Variants in VAPA observed in about 807,000 individuals in gnomAD.
The protein encoded by VAPA is vesicle-associated membrane protein-associated protein A.
VAPA carries 6 observed loss-of-function variants against 25.6 expected under a neutral mutation model. That is an observed-to-expected ratio of 0.23 (90% CI 0.13 to 0.46). The LOEUF (loss-of-function observed/expected upper bound fraction) is 0.46. VAPA is among the 20% of genes least tolerant of loss of function. VAPA has a pLI of 0.99. For missense variants in VAPA, 244 were observed against 302.1 expected, an observed-to-expected ratio of 0.81 and a Z score of 1.43; for synonymous variants, 112 against 106.2, an observed-to-expected ratio of 1.05 and a Z score of -0.34.
chr18:9,933,422 C>CT (rs1302423579), intron 2 of VAPA, among the ~76,000 whole-genome samples: 1 of 152,142 alleles, frequency 6.6e-6, no homozygotes, highest in African/African-American at 2.4e-5. Flanking sequence ...TTTGCTAAGT[C>CT]TAATTCATCA....
chr18:9,944,699 A>G lies in VAPA; in HGVS notation c.418-5696A>G, dbSNP rs550576025. On this transcript the variant is annotated intron_variant, in intron 4 of 5. Transcript: ENST00000400000. ...TACATTTAATAGGTGCATGTAATGC[A>G]AGTAGATTATAACTAATTTTGTTTG... 8.5e-5 allele frequency among the ~76,000 whole-genome samples: 13 copies of G among 152,394 alleles called. No individual in the cohort carries two copies. In the East Asian group the frequency reaches 2.5e-3, roughly 29 times the overall value.
intron 1 of VAPA, among the ~76,000 whole-genome samples, chr18:9,927,192 A>T (rs1222359621): frequency 6.6e-6 from 1 of 152,132 alleles, no homozygotes; most frequent in Non-Finnish European, 1.5e-5. Flanking sequence ...AATTAAGTGG[A>T]TGTCTGGACA....
At chr18:9,951,883 A>G (rs1599119713) in intron 5 of VAPA, among the ~76,000 whole-genome samples, 1 of 151,768 alleles carries the variant, frequency 6.6e-6, no homozygotes, top group Non-Finnish European at 1.5e-5. Flanking sequence ...GTTTCATAGT[A>G]CCCCCTCGAG....
At chr18:9,936,694 C>T in intron 3 of VAPA, 1 of 290,472 alleles carries the variant, frequency 3.4e-6, no homozygotes, top group Non-Finnish European at 6.3e-6. Context: ...TGCACTCCAG[C>T]CTGGGAAACA....
chr18:9,916,774 CT>C (rs2069115192), intron 1 of VAPA, among the ~76,000 whole-genome samples: 1 of 152,190 alleles, frequency 6.6e-6, no homozygotes, highest in South Asian at 2.1e-4. Flanking sequence ...TCATTCAAAA[CT>C]TTCTAAGTGA....
chr18:9,956,071 T>G lies in VAPA; in HGVS notation c.*1860T>G, dbSNP rs2069547118. 1 of 152,174 alleles carries G rather than the reference T, an allele frequency of 6.6e-6. No individual in the cohort carries two copies. The allele number at this position is 152,174 out of a possible 1,614,324, so 9.4% of individuals were successfully genotyped here. A position where few individuals can be genotyped will look rare whatever the true frequency, so the allele number is the denominator to read the frequency against. ...CTATCTTTTTTTAAAGAAATTAAGTTCTTGAAAATTTAGCCAAATCCCGTT... is the reference window on the plus strand; with the variant it reads ...CTATCTTTTTTTAAAGAAATTAAGTGCTTGAAAATTTAGCCAAATCCCGTT... On this transcript the variant is annotated 3_prime_UTR_variant, in exon 6 of 6. Transcript: ENST00000400000.
At chr18:9,916,058 A>G (rs944705131) in intron 1 of VAPA, among the ~76,000 whole-genome samples, 4 of 152,128 alleles carry the variant, frequency 2.6e-5, no homozygotes, top group Admixed American at 1.3e-4. Context: ...CTGGATAACT[A>G]TGTGTAAATT....
At chr18:9,944,931 C>T in intron 4 of VAPA, 1 of 1,614,102 alleles carries the variant, frequency 6.2e-7, no homozygotes, top group East Asian at 2.2e-5. Flanking sequence ...CAGGGTATAA[C>T]TCCACCAGGG....
chr18:9,946,949 T>TA (rs948064557), intron 4 of VAPA, among the ~76,000 whole-genome samples: 40 of 152,324 alleles, frequency 2.6e-4, no homozygotes, highest in African/African-American at 9.1e-4. Context: ...ATAAGATTTT[T>TA]AAAAAAACTT....
At position 9,954,304 on chromosome 18, in the gene VAPA, C is replaced by T. The variant is rs1188695968; in HGVS notation, c.*93C>T. The T allele has an allele frequency of 1.1e-5, 13 of 1,155,102 alleles. No individual in the cohort carries two copies. Among genetic ancestry groups the T allele is most frequent in the Admixed American group, 4.6e-5 (2 of 43,940 alleles). 71.6% of individuals were successfully genotyped at this position (1,155,102 alleles called of 1,614,324 possible). On this transcript the variant is annotated 3_prime_UTR_variant, in exon 6 of 6. Coordinates refer to ENST00000400000, the MANE Select transcript of VAPA (RefSeq NM_194434.3). The stretch of plus-strand genomic sequence containing the variant: ...ACCATTTCATTGGTAGTATGGCCCA[C>T]GGTGACCATTTTTTTGTGTGTACAG...
chr18:9,935,310 G>A (rs746155844), intron 2 of VAPA, among the ~76,000 whole-genome samples: 1 of 152,030 alleles, frequency 6.6e-6, no homozygotes, highest in Non-Finnish European at 1.5e-5. Flanking sequence ...TGTGGCTTAC[G>A]CCTGTAATCC....
chr18:9,918,969 TGGCTCACTGCAGCCGTGACCTCCTG>T (rs2069135162), intron 1 of VAPA, among the ~76,000 whole-genome samples: 1 of 152,210 alleles, frequency 6.6e-6, no homozygotes, highest in South Asian at 2.1e-4. Context: ...TGCACGTTCT[TGGCTCACTGCAGCCGTGACCTCCTG>T]GGCTCAAGTG....
chr18:9,914,534 C>T (rs2069094054), intron 1 of VAPA, 199 bp downstream of exon 1: 2 of 308,234 alleles, frequency 6.5e-6, no homozygotes, highest in Non-Finnish European at 1.2e-5. Flanking sequence ...GCTTCATCCC[C>T]TCCCGCCCGC....
Position 9,931,849 on chromosome 18 carries a change from G to A in VAPA, c.119G>A (p.Arg40Gln), listed in dbSNP as rs759982166. ...TDVVTTNLKLRNPSDRKVCFK... is the reference protein window; with the variant it reads ...TDVVTTNLKLQNPSDRKVCFK... ...GTAGTCACTACAAATCTTAAATTGC[G>A]AAATCCATCGGATAGAAAAGTGTGT... The change falls in exon 2 of 6, where the codon CGA (arginine) becomes CAA (glutamine). Residue 40 changes from arginine to glutamine, a missense_variant. By Grantham distance (43) the Arg-to-Gln change is conservative (BLOSUM62 1). Coordinates refer to ENST00000400000, the MANE Select transcript of VAPA (RefSeq NM_194434.3). 23 of 1,613,602 alleles carry A rather than the reference G, an allele frequency of 1.4e-5. No homozygotes were observed. Among genetic ancestry groups the A allele is most frequent in the Middle Eastern group, 1.6e-4 (1 of 6,072 alleles).
At chr18:9,934,655 A>G (rs1461785967) in intron 2 of VAPA, among the ~76,000 whole-genome samples, 1 of 152,184 alleles carries the variant, frequency 6.6e-6, no homozygotes, top group Non-Finnish European at 1.5e-5. Flanking sequence ...GAAATAATCT[A>G]AAGTTAGGGA....
Position 9,943,321 on chromosome 18 carries a change from T to G in VAPA, c.417+6255T>G, listed in dbSNP as rs147767650. On this transcript the variant is annotated intron_variant, in intron 4 of 5. Coordinates refer to ENST00000400000, the MANE Select transcript of VAPA (RefSeq NM_194434.3). The stretch of plus-strand genomic sequence containing the variant: ...TCATAGATAAAGTGCCCCAGGAAAC[T>G]TAGGAACCCTTTCATTTTAGAACAA... Among the ~76,000 whole-genome samples the G allele has an allele frequency of 2.5e-3, 379 of 152,338 alleles. 1 individual carries two copies. The highest frequency in any genetic ancestry group is 8.7e-3 in the African/African-American group (363 of 41,578).
At chr18:9,925,706 A>G (rs2069195134) in intron 1 of VAPA, among the ~76,000 whole-genome samples, 2 of 152,194 alleles carry the variant, frequency 1.3e-5, no homozygotes, top group Middle Eastern at 3.4e-3. Flanking sequence ...TGTAATAAGA[A>G]TGTTTTAGGG....
chr18:9,929,779 A>G (rs1378540682), intron 1 of VAPA, among the ~76,000 whole-genome samples: 2 of 152,198 alleles, frequency 1.3e-5, no homozygotes, highest in South Asian at 2.1e-4. Context: ...GAGGGATACA[A>G]TGGAGCAGAA....
chr18:9,951,727 A>C (rs980856932), intron 5 of VAPA, among the ~76,000 whole-genome samples: 1 of 152,236 alleles, frequency 6.6e-6, no homozygotes, highest in African/African-American at 2.4e-5. Flanking sequence ...AATAAGCTAA[A>C]TGATGGGAGT....
Sources: gnomAD v4.1 joint callset for allele counts (sites outside exome capture counted in the v4.1 genomes callset) on GRCh38, gnomAD v4.1.1 for gene constraint, MANE v1.5 for transcripts, NCBI Gene and HGNC (gene_info 2026-07-23, HGNC 2026-07-21) for gene names.